Variants in FLI1 observed in about 807,000 individuals in gnomAD.
FLI1 encodes the protein Fli-1 proto-oncogene, ETS transcription factor.
In FLI1, 13 loss-of-function variants were observed where a neutral mutation model predicts 53.1. The observed-to-expected ratio is 0.24, with a 90% CI of 0.16 to 0.39. FLI1 has a LOEUF of 0.39. FLI1 is among the 10% of genes least tolerant of loss of function. FLI1 has a pLI of 1.00. For synonymous variants in FLI1, 244 were observed against 236.7 expected, an observed-to-expected ratio of 1.03 and a Z score of -0.28; for missense variants, 424 against 600.5, an observed-to-expected ratio of 0.71 and a Z score of 3.07.
At chr11:128,806,600 G>C (rs1199013954) in intron 6 of FLI1, 1 of 152,298 alleles carries the variant, frequency 6.6e-6, no homozygotes, top group African/African-American at 2.4e-5. Flanking sequence ...GGGTTGTGGG[G>C]AGACAGAAGA....
intron 5 of FLI1, among the ~76,000 whole-genome samples, chr11:128,790,346 G>A (rs1239015862): frequency 6.6e-6 from 1 of 151,578 alleles, no homozygotes; most frequent in African/African-American, 2.4e-5. Flanking sequence ...ACAGAGATCG[G>A]GGGAGGAGGG....
chr11:128,738,911 A>G (rs1389145595), intron 1 of FLI1, among the ~76,000 whole-genome samples: 1 of 152,240 alleles, frequency 6.6e-6, no homozygotes, highest in Non-Finnish European at 1.5e-5. Flanking sequence ...TGGGCTTTTC[A>G]GTGTGTAAAC....
At chr11:128,779,256 G>A (rs1246564014) in intron 4 of FLI1, among the ~76,000 whole-genome samples, 1 of 152,194 alleles carries the variant, frequency 6.6e-6, no homozygotes, top group Non-Finnish European at 1.5e-5. Context: ...TTGCTCCTCG[G>A]AGACCATCAT....
chr11:128,793,451 C>T (rs1203247687), intron 5 of FLI1, among the ~76,000 whole-genome samples: 1 of 152,140 alleles, frequency 6.6e-6, no homozygotes, highest in Admixed American at 6.5e-5. Flanking sequence ...GAATAATCTC[C>T]TTCCATTGCT....
chr11:128,777,833 C>T (rs1012740140), intron 4 of FLI1, among the ~76,000 whole-genome samples: 8 of 127,728 alleles, frequency 6.3e-5, no homozygotes, highest in African/African-American at 1.0e-4. Context: ...GGCACTGGGA[C>T]GCTTGCGCCC....
chr11:128,766,235 C>T (rs948913513), intron 2 of FLI1, among the ~76,000 whole-genome samples: 11 of 152,158 alleles, frequency 7.2e-5, no homozygotes, highest in Admixed American at 3.3e-4. Flanking sequence ...CAGGTCCTTC[C>T]GCAGCAGAAG....
chr11:128,748,970 AAATGT>A (rs1162288201), intron 1 of FLI1, among the ~76,000 whole-genome samples: 1 of 152,238 alleles, frequency 6.6e-6, no homozygotes. Context: ...TCTCATTTAA[AAATGT>A]GGTCCTTGTT....
chr11:128,778,962 C>A (rs1210337654), intron 4 of FLI1, among the ~76,000 whole-genome samples: 3 of 107,078 alleles, frequency 2.8e-5, no homozygotes, highest in Admixed American at 1.7e-4. Context: ...AGGCCAGATG[C>A]CCCCAACCAG....
chr11:128,687,078 G>C (rs1865818058), intron 1 of FLI1, among the ~76,000 whole-genome samples: 1 of 152,260 alleles, frequency 6.6e-6, no homozygotes, highest in South Asian at 2.1e-4. Context: ...GAGCGCGTCT[G>C]TGCATGTGTG....
chr11:128,747,837 A>G (rs1940466278), intron 1 of FLI1, among the ~76,000 whole-genome samples: 1 of 152,208 alleles, frequency 6.6e-6, no homozygotes, highest in Admixed American at 6.5e-5. Flanking sequence ...ACACTGTAAA[A>G]TGTTCTCTTC....
intron 1 of FLI1, among the ~76,000 whole-genome samples, chr11:128,715,637 T>C (rs553285107): frequency 6.6e-6 from 1 of 152,362 alleles, no homozygotes; most frequent in South Asian, 2.1e-4. Flanking sequence ...TTCTACCTTC[T>C]TGCAATGGAA....
intron 1 of FLI1, among the ~76,000 whole-genome samples, chr11:128,702,075 A>G (rs1461562027): frequency 6.6e-6 from 1 of 152,246 alleles, no homozygotes; most frequent in African/African-American, 2.4e-5. Flanking sequence ...GTTACAGTCT[A>G]TGGAAAAGCG....
upstream of FLI1, chr11:128,693,881 T>TG (rs55635129): frequency 1.6e-4 from 34 of 212,006 alleles, no homozygotes; most frequent in Admixed American, 4.1e-4. Flanking sequence ...AGAGGGGGTG[T>TG]GGGGGGGGAG....
chr11:128,710,346 T>C (rs977933258), intron 1 of FLI1, among the ~76,000 whole-genome samples: 1 of 152,220 alleles, frequency 6.6e-6, no homozygotes, highest in Non-Finnish European at 1.5e-5. Context: ...AATCTTTTTA[T>C]TGAACGCATT....
chr11:128,784,328 C>A (rs1311101695), intron 5 of FLI1, among the ~76,000 whole-genome samples: 2 of 149,554 alleles, frequency 1.3e-5, no homozygotes, highest in Non-Finnish European at 3.0e-5. Flanking sequence ...TTCCCTTGGC[C>A]CTTTTGTGTT....
intron 1 of FLI1, among the ~76,000 whole-genome samples, chr11:128,723,616 T>C (rs1229422337): frequency 6.6e-6 from 1 of 152,214 alleles, no homozygotes; most frequent in Non-Finnish European, 1.5e-5. Context: ...AAAACCCTGC[T>C]TGAGATTCCA....
intron 4 of FLI1, among the ~76,000 whole-genome samples, chr11:128,777,088 C>A (rs1338820431): frequency 6.6e-6 from 1 of 152,172 alleles, no homozygotes; most frequent in Non-Finnish European, 1.5e-5. Context: ...CCGGACACAC[C>A]CCGTGTGGCA....
intron 5 of FLI1, among the ~76,000 whole-genome samples, chr11:128,795,819 G>C (rs1313331352): frequency 6.6e-6 from 1 of 152,132 alleles, no homozygotes; most frequent in Non-Finnish European, 1.5e-5. Context: ...CAAAGTGCTG[G>C]GATTACAGGC....
chr11:128,812,867 AG>A lies in FLI1; in HGVS notation c.*1881del. ...ATTTTTAAGGTCATTTTTCTTCCCAAGGAAGAAACTTGCCTCCAGTTCCTTC... is the reference window on the plus strand; with the variant it reads ...ATTTTTAAGGTCATTTTTCTTCCCAAGAAGAAACTTGCCTCCAGTTCCTTC... On this transcript the variant is annotated 3_prime_UTR_variant, in exon 9 of 9. Transcript: ENST00000527786. 1.6e-5 allele frequency: 3 copies of A among 182,436 alleles called. No homozygotes were observed. The highest frequency in any genetic ancestry group is 2.3e-5 in the African/African-American group (1 of 42,680). 11.3% of individuals were successfully genotyped at this position (182,436 alleles called of 1,614,324 possible).
Sources: gnomAD v4.1 joint callset for allele counts (sites outside exome capture counted in the v4.1 genomes callset) on GRCh38, gnomAD v4.1.1 for gene constraint, MANE v1.5 for transcripts, NCBI Gene and HGNC (gene_info 2026-07-23, HGNC 2026-07-21) for gene names.